Variants in EDARADD observed in about 807,000 individuals in gnomAD.
EDARADD encodes ectodysplasin-A receptor-associated adapter protein.
A neutral mutation model predicts 25.6 loss-of-function variants in EDARADD; 20 were observed. That is an observed-to-expected ratio of 0.78 (90% CI 0.55 to 1.14). The LOEUF is 1.14. EDARADD is among the 50% of genes most tolerant of loss of function. The pLI is 0.00. For missense variants in EDARADD, 225 were observed against 270.1 expected (o/e 0.83, Z 1.17); for synonymous variants, 86 against 94.4 (o/e 0.91, Z 0.52).
intron 3 of EDARADD, among the ~76,000 whole-genome samples, chr1:236,383,776 G>T (rs1278333207): frequency 6.6e-6 from 1 of 152,056 alleles, no homozygotes. Flanking sequence ...GGCTGAGGTG[G>T]GAGGGTCATT....
intron 4 of EDARADD, among the ~76,000 whole-genome samples, chr1:236,455,891 G>T (rs1204034639): frequency 1.3e-5 from 2 of 152,002 alleles, no homozygotes; most frequent in Admixed American, 6.6e-5. Flanking sequence ...CCGGGTTCAC[G>T]CCATTCTCCT....
At chr1:236,427,575 T>TTCCTAG in intron 4 of EDARADD, 125 bp downstream of exon 4, 7 of 900,106 alleles carry the variant, frequency 7.8e-6, no homozygotes, top group Non-Finnish European at 1.2e-5. Flanking sequence ...AAACAGGGTT[T>TTCCTAG]GCAAATGGTC....
intron 4 of EDARADD, among the ~76,000 whole-genome samples, chr1:236,447,745 G>A (rs1658605039): frequency 6.6e-6 from 1 of 151,908 alleles, no homozygotes; most frequent in African/African-American, 2.4e-5. Flanking sequence ...TTTAAATTTT[G>A]TTACTAACAG....
intron 3 of EDARADD, among the ~76,000 whole-genome samples, chr1:236,374,775 C>T (rs558755926): frequency 5.9e-4 from 89 of 151,826 alleles, no homozygotes; most frequent in African/African-American, 2.0e-3. Context: ...CTAATTTTTA[C>T]ATTTAATGTA....
upstream of EDARADD, among the ~76,000 whole-genome samples, chr1:236,393,406 T>TTTC (rs1214107042): frequency 1.5e-5 from 2 of 134,738 alleles, no homozygotes; most frequent in African/African-American, 5.6e-5. Flanking sequence ...TTTTTTTTTT[T>TTTC]TTTTTTTGAG....
At chr1:236,435,719 T>C (rs900813025) in intron 4 of EDARADD, among the ~76,000 whole-genome samples, 1 of 152,232 alleles carries the variant, frequency 6.6e-6, no homozygotes, top group Non-Finnish European at 1.5e-5. Context: ...CCTTTCTACT[T>C]TTCAGGATGA....
chr1:236,459,631 T>TTA (rs1658984777), intron 4 of EDARADD, among the ~76,000 whole-genome samples: 1 of 120,674 alleles, frequency 8.3e-6, no homozygotes. Flanking sequence ...TTTTTTTTTT[T>TTA]GAGATGGAGT....
intron 4 of EDARADD, among the ~76,000 whole-genome samples, chr1:236,456,040 C>T (rs1021695713): frequency 3.9e-5 from 6 of 152,164 alleles, no homozygotes; most frequent in East Asian, 1.9e-4. Context: ...CCGCCCGCCT[C>T]GGCCTCCCAA....
At chr1:236,457,281 T>A (rs971079094) in intron 4 of EDARADD, among the ~76,000 whole-genome samples, 2 of 152,116 alleles carry the variant, frequency 1.3e-5, no homozygotes, top group Non-Finnish European at 2.9e-5. Flanking sequence ...TTTGGGAGGC[T>A]GGGGCAGGCA....
intron 4 of EDARADD, among the ~76,000 whole-genome samples, chr1:236,456,035 C>T (rs376265466): frequency 6.8e-4 from 103 of 152,248 alleles, no homozygotes; most frequent in African/African-American, 2.0e-3. Context: ...GTAATCCGCC[C>T]GCCTCGGCCT....
chr1:236,363,362 G>T (rs1192054761), intron 3 of EDARADD, among the ~76,000 whole-genome samples: 1 of 151,664 alleles, frequency 6.6e-6, no homozygotes, highest in African/African-American at 2.4e-5. Context: ...TTCCCTCTTG[G>T]TGCTGTTCTG....
intron 4 of EDARADD, among the ~76,000 whole-genome samples, chr1:236,444,660 G>A (rs796281575): frequency 2.6e-5 from 4 of 152,292 alleles, no homozygotes; most frequent in African/African-American, 4.8e-5. Context: ...CTGACCTCAG[G>A]TGATCCGCCC....
chr1:236,351,696 G>A (rs1490580422), intron 3 of EDARADD, among the ~76,000 whole-genome samples: 3 of 127,264 alleles, frequency 2.4e-5, no homozygotes, highest in East Asian at 2.4e-4. Context: ...GCAACAGAGC[G>A]AGACTCTGTC....
In EDARADD at chr1:236,474,042, A is replaced by G. The variant is rs571096493; in HGVS notation, c.265+5766A>G. ...CGATACAGGAAATGCTGCCACCTCC[A>G]TTTTATAGATGAGGAGTCTGACGTT... On this transcript the variant is annotated intron_variant, in intron 5 of 5. Coordinates refer to ENST00000334232, the MANE Select transcript of EDARADD (RefSeq NM_145861.4). Among the ~76,000 whole-genome samples the G allele has an allele frequency of 5.9e-5, 9 of 152,224 alleles. No individual in the cohort carries two copies. In the South Asian group the frequency reaches 1.7e-3, roughly 28 times the overall value.
chr1:236,455,200 GCT>G (rs1412804458), intron 4 of EDARADD, among the ~76,000 whole-genome samples: 1 of 130,980 alleles, frequency 7.6e-6, no homozygotes, highest in Non-Finnish European at 1.7e-5. Flanking sequence ...ACAGAGCAAG[GCT>G]CTGTCTTAAA....
chr1:236,426,591 G>A (rs973617039), intron 3 of EDARADD, among the ~76,000 whole-genome samples: 1 of 152,204 alleles, frequency 6.6e-6, no homozygotes, highest in African/African-American at 2.4e-5. Context: ...CATGTTGGTA[G>A]GAAACTGAAA....
At chr1:236,410,208 T>A (rs1404294724) in intron 2 of EDARADD, among the ~76,000 whole-genome samples, 2 of 152,160 alleles carry the variant, frequency 1.3e-5, no homozygotes, top group Non-Finnish European at 2.9e-5. Flanking sequence ...GTGAACGCTG[T>A]ACCTAATAGG....
At chr1:236,431,195 A>AT (rs1658086266) in intron 4 of EDARADD, among the ~76,000 whole-genome samples, 1 of 152,182 alleles carries the variant, frequency 6.6e-6, no homozygotes, top group Admixed American at 6.5e-5. Context: ...CTTTTTAGTG[A>AT]TTTTTATAAT....
rs6672592 is a variant in EDARADD, at chr1:236,395,356, G to C, written c.61+851G>C. On this transcript the variant is annotated intron_variant, in intron 1 of 5. Coordinates refer to ENST00000334232, the MANE Select transcript of EDARADD (RefSeq NM_145861.4). The surrounding 1 kb of genome is among the most constrained non-coding windows in gnomAD (Gnocchi z 6.9). ...CCCAGCCCCGGGTCGCGGCACCCCG[G>C]CTCCCGCCCCGCGCCTCTGGAGGGA... 5 of 1,335,898 alleles carry C rather than the reference G, an allele frequency of 3.7e-6. No homozygotes were observed. In the African/African-American group the frequency reaches 6.2e-5, roughly 17 times the overall value. The allele number at this position is 1,335,898 out of a possible 1,614,324, so 82.8% of individuals were successfully genotyped here. A position where few individuals can be genotyped will look rare whatever the true frequency, so the allele number is the denominator to read the frequency against.
Sources: gnomAD v4.1 joint callset for allele counts (sites outside exome capture counted in the v4.1 genomes callset) on GRCh38, gnomAD v4.1.1 for gene constraint, Gnocchi (gnomAD v3.1) non-coding constraint, MANE v1.5 for transcripts, NCBI Gene and HGNC (gene_info 2026-07-23, HGNC 2026-07-21) for gene names.